INTS4: variants seen among roughly 807,000 people sequenced by gnomAD.
The protein encoded by INTS4 is MSTP093.
In INTS4, 70 loss-of-function variants were observed where a neutral mutation model predicts 119.5. That is an observed-to-expected ratio of 0.59 (90% confidence interval 0.48 to 0.71). The LOEUF is 0.71. Among genes scored for constraint, INTS4 ranks in the 30% least tolerant of loss-of-function variants. The pLI, the probability that INTS4 is intolerant of heterozygous loss-of-function variation, is 0.00. For synonymous variants in INTS4, 316 were observed against 419.6 expected (o/e 0.75, Z 3.02); for missense variants, 867 against 1,173.2 (o/e 0.74, Z 3.81).
At chr11:77,882,628 C>T (rs1386984141) in intron 22 of INTS4, among the ~76,000 whole-genome samples, 2 of 152,190 alleles carry the variant, frequency 1.3e-5, no homozygotes, top group Non-Finnish European at 2.9e-5. Flanking sequence ...ATGAGGAATA[C>T]TCAGGGAAGC....
intron 15 of INTS4, chr11:77,915,424 C>G (rs1181305725): frequency 1.3e-5 from 2 of 152,264 alleles, no homozygotes; most frequent in African/African-American, 4.8e-5. Flanking sequence ...CTAAGTGACC[C>G]AGGTGGAAGC....
intron 3 of INTS4, among the ~76,000 whole-genome samples, chr11:77,980,604 C>T (rs1047537392): frequency 1.3e-5 from 2 of 152,126 alleles, no homozygotes; most frequent in Non-Finnish European, 2.9e-5. Context: ...GTCTCAAATT[C>T]CTGGGCTCAA....
intron 15 of INTS4, among the ~76,000 whole-genome samples, chr11:77,917,190 G>C (rs1474590296): frequency 1.3e-5 from 2 of 152,132 alleles, no homozygotes; most frequent in Non-Finnish European, 2.9e-5. Flanking sequence ...TTGTTTCTTA[G>C]TGTATGGAAT....
chr11:77,900,756 T>C, intron 18 of INTS4: 2 of 614,904 alleles, frequency 3.3e-6, no homozygotes, highest in South Asian at 3.9e-5. Context: ...TAATAAAAAA[T>C]GTGTATCTTG....
chr11:77,885,332 C>G (rs1451145222), intron 21 of INTS4, among the ~76,000 whole-genome samples: 1 of 152,082 alleles, frequency 6.6e-6, no homozygotes, highest in African/African-American at 2.4e-5. Context: ...CTACTTCAGC[C>G]TCCCAAAGTG....
At chr11:77,983,330 G>T (rs1451201622) in intron 2 of INTS4, among the ~76,000 whole-genome samples, 1 of 152,106 alleles carries the variant, frequency 6.6e-6, no homozygotes, top group Non-Finnish European at 1.5e-5. Context: ...TGCCGGTTTG[G>T]TTTTGAACTC....
intron 3 of INTS4, among the ~76,000 whole-genome samples, chr11:77,980,070 A>G (rs1026651616): frequency 6.6e-6 from 1 of 151,752 alleles, no homozygotes; most frequent in African/African-American, 2.4e-5. Context: ...CATATAATAC[A>G]TACATACCAG....
chr11:77,936,326 C>T (rs1179569172), intron 10 of INTS4, among the ~76,000 whole-genome samples: 15 of 152,068 alleles, frequency 9.9e-5, no homozygotes, highest in Admixed American at 9.8e-4. Flanking sequence ...GTTGACAAAG[C>T]TAGAGGAAAG....
chr11:77,992,370 G>C (rs537728073), intron 1 of INTS4, among the ~76,000 whole-genome samples: 1 of 151,968 alleles, frequency 6.6e-6, no homozygotes, highest in African/African-American at 2.4e-5. Flanking sequence ...CAGTTTGGGC[G>C]AAAAGAGCGA....
At chr11:77,929,522 A>G (rs1454789451) in intron 10 of INTS4, among the ~76,000 whole-genome samples, 1 of 152,222 alleles carries the variant, frequency 6.6e-6, no homozygotes, top group Non-Finnish European at 1.5e-5. Flanking sequence ...AAATAATGTT[A>G]TCATTAAGAT....
chr11:77,978,241 T>C (rs1565287232), intron 4 of INTS4: 1 of 152,200 alleles, frequency 6.6e-6, no homozygotes, highest in African/African-American at 2.4e-5. Context: ...TGGTTTTATG[T>C]ATGCCTGTTG....
intron 8 of INTS4, among the ~76,000 whole-genome samples, chr11:77,954,034 G>A (rs12789009): frequency 3.3e-5 from 5 of 151,782 alleles, no homozygotes; most frequent in African/African-American, 4.8e-5. Flanking sequence ...GGATGGTCTC[G>A]ATCTCTTGAC....
At chr11:77,884,809 C>T (rs914022155) in intron 21 of INTS4, 1 of 408,998 alleles carries the variant, frequency 2.4e-6, no homozygotes, top group Non-Finnish European at 5.0e-6. Context: ...GGCTGGAGTG[C>T]AGTGGCACGA....
chr11:77,980,265 T>C (rs1236185848), intron 3 of INTS4, among the ~76,000 whole-genome samples: 1 of 152,174 alleles, frequency 6.6e-6, no homozygotes, highest in Non-Finnish European at 1.5e-5. Context: ...ACTGAACACC[T>C]AGTTATCCTT....
chr11:77,939,576 T>C (rs1210964775), intron 9 of INTS4, among the ~76,000 whole-genome samples: 3 of 152,222 alleles, frequency 2.0e-5, no homozygotes, highest in African/African-American at 4.8e-5. Flanking sequence ...AGGTGGAATA[T>C]ACTGGTTAGT....
chr11:77,875,418 AG>A (rs1171015876), downstream of INTS4, among the ~76,000 whole-genome samples: 3 of 152,232 alleles, frequency 2.0e-5, no homozygotes, highest in Non-Finnish European at 4.4e-5. Context: ...GTAGTTACCA[AG>A]GTTTTTTAAC....
At chr11:77,980,466 A>G (rs1445976164) in intron 3 of INTS4, among the ~76,000 whole-genome samples, 1 of 152,108 alleles carries the variant, frequency 6.6e-6, no homozygotes, top group Non-Finnish European at 1.5e-5. Context: ...TGCAGCCTCA[A>G]TCTCCTAGGC....
At chr11:77,898,394 C>T (rs1292782547) in intron 18 of INTS4, among the ~76,000 whole-genome samples, 4 of 152,164 alleles carry the variant, frequency 2.6e-5, no homozygotes, top group Non-Finnish European at 4.4e-5. Context: ...GAACTCCTGA[C>T]CTCGTGATCC....
chr11:77,904,098 C>A (rs537748778), intron 16 of INTS4, among the ~76,000 whole-genome samples: 1 of 152,304 alleles, frequency 6.6e-6, no homozygotes, highest in South Asian at 2.1e-4. Flanking sequence ...TCCTAGATTT[C>A]TCCCTCTTTC....
Sources: allele counts gnomAD v4.1 joint callset (sites outside exome capture counted in the v4.1 genomes callset), GRCh38; gene constraint gnomAD v4.1.1; transcripts MANE v1.5; gene names NCBI Gene and HGNC (gene_info 2026-07-23, HGNC 2026-07-21).